Variants in SDF4 observed in about 807,000 individuals in gnomAD.
The protein encoded by SDF4 is 45 kDa calcium-binding protein.
A neutral mutation model predicts 34.2 loss-of-function variants in SDF4; 22 were observed. The ratio of observed to expected loss-of-function variants is 0.64; its 90% CI spans 0.46 to 0.92. The LOEUF (loss-of-function observed/expected upper bound fraction) is 0.92. Ranked by LOEUF, SDF4 falls within the 40% of genes least tolerant of loss-of-function variation. SDF4 has a pLI of 0.00. For missense variants in SDF4, 447 were observed against 499.9 expected (o/e 0.89, Z 1.01); for synonymous variants, 236 against 203.1 (o/e 1.16, Z -1.38).
intron 2 of SDF4, 99 bp downstream of exon 2, chr1:1,228,369 C>T (rs1638377107): frequency 3.7e-6 from 5 of 1,340,168 alleles, no homozygotes; most frequent in Non-Finnish European, 5.0e-6. Flanking sequence ...CAGGTCCCGA[C>T]ACAGGGCCCG....
intron 2 of SDF4, among the ~76,000 whole-genome samples, chr1:1,226,157 G>A (rs1286202640): frequency 6.6e-6 from 1 of 152,232 alleles, no homozygotes; most frequent in Non-Finnish European, 1.5e-5. Flanking sequence ...TGGAAAGGCG[G>A]CAGCTATTGC....
chr1:1,217,628 C>T lies in SDF4; in HGVS notation c.952G>A (p.Val318Ile), dbSNP rs772016761. 9.3e-6 allele frequency: 15 copies of T among 1,613,718 alleles called. No homozygotes were observed. The highest frequency in any genetic ancestry group is 5.0e-5 in the Admixed American group (3 of 60,000). The change falls in exon 7 of 7, where the codon GTC becomes ATC. Residue 318 changes from valine (V) to isoleucine (I), a missense_variant. Transcript: ENST00000360001. This position sits in a 1 kb window ranked among gnomAD's most constrained non-coding sequence, Gnocchi z 8.5. ...TGGTGGTTCTGGTTCTCGTCGGCGA[C>T]GGCGATCATCTGCTTGGCCTCGTTC... is the stretch of plus-strand genomic sequence containing the variant. ...ALNEAKQMIA[V>I]ADENQNHHLE...
rs1297542669 is a variant in SDF4 at position 1,223,937 on chromosome 1, C to T, written c.337G>A (p.Ala113Thr). The T allele has an allele frequency of 1.2e-6, 2 of 1,611,498 alleles. No individual in the cohort carries two copies. Among genetic ancestry groups the T allele is most frequent in the Non-Finnish European group, 1.7e-6 (2 of 1,179,888 alleles). ...ATGATCCAGCGCTGCATCTCCTTGG[C>T]ACTGATCTTCCGGTCAGTGTTCACA... ...VDVNTDRKISAKEMQRWIMEK... is the reference protein window; with the variant it reads ...VDVNTDRKISTKEMQRWIMEK... The change falls in exon 3 of 7, where the codon GCC becomes ACC. Residue 113 changes from alanine to threonine, a missense_variant. Ala to Thr is a moderately conservative substitution (Grantham distance 58, BLOSUM62 0). Coordinates refer to ENST00000360001, the MANE Select transcript of SDF4 (RefSeq NM_016176.6).
chr1:1,218,443 T>C lies in SDF4; in HGVS notation c.891+15A>G, dbSNP rs2100966013. The C allele has an allele frequency of 6.2e-7, 1 of 1,607,204 alleles. No homozygotes were observed. Among genetic ancestry groups the C allele is most frequent in the Non-Finnish European group, 8.5e-7 (1 of 1,179,168 alleles). On this transcript the variant is annotated intron_variant, in intron 6 of 6. Coordinates refer to ENST00000360001, the MANE Select transcript of SDF4 (RefSeq NM_016176.6). The surrounding 1 kb of genome is among the most constrained non-coding windows in gnomAD (Gnocchi z 7.9). ...CGCAGGGCCGGCTCCGGGACACGGC[T>C]GCGCCAGGGCTCACCTCCAGCTCCT...
rs942776521 is a variant in SDF4 at position 1,222,972 on chromosome 1, C to T, written c.556+272G>A. On this transcript the variant is annotated intron_variant, in intron 4 of 6. Transcript: ENST00000360001. ...CACTCGTACACACGACACGCACACACGTACAAGCACATGCACAGTGCACTC... is the reference window on the plus strand; with the variant it reads ...CACTCGTACACACGACACGCACACATGTACAAGCACATGCACAGTGCACTC... Among the ~76,000 whole-genome samples, 12 of 152,194 alleles carry T rather than the reference C, an allele frequency of 7.9e-5. No individual in the cohort carries two copies. The East Asian group carries it at 1.4e-3, about 17-fold the overall frequency.
chr1:1,228,429 G>GTGGA lies in SDF4; in HGVS notation c.305+38_305+39insTCCA, dbSNP rs747222388. ...GATAGGAACACACAGGCGAGCGCAC[G>GTGGA]CGGACAGCCCCCCAGTCTGGGCACA... On this transcript the variant is annotated intron_variant, in intron 2 of 6. Coordinates refer to ENST00000360001, the MANE Select transcript of SDF4 (RefSeq NM_016176.6). The GTGGA allele has an allele frequency of 2.0e-6, 3 of 1,493,030 alleles. No homozygotes were observed. The East Asian group carries it at 8.3e-5, about 41-fold the overall frequency. 92.5% of individuals were successfully genotyped at this position (1,493,030 alleles called of 1,614,324 possible). A position where few individuals can be genotyped will look rare whatever the true frequency, so the allele number is the denominator to read the frequency against.
At chr1:1,224,334 T>C (rs929259580) in intron 2 of SDF4, among the ~76,000 whole-genome samples, 2 of 152,178 alleles carry the variant, frequency 1.3e-5, no homozygotes, top group African/African-American at 2.4e-5. Context: ...GGCTGGAGTG[T>C]GGTGGCGCAA....
Position 1,223,355 on chromosome 1 carries a change from G to A in SDF4, c.445C>T (p.His149Tyr). 6 of 1,605,842 alleles carry A rather than the reference G, an allele frequency of 3.7e-6. No individual in the cohort carries two copies. The highest frequency in any genetic ancestry group is 5.1e-6 in the Non-Finnish European group (6 of 1,174,266). The change falls in exon 4 of 7, where the codon CAC becomes TAC. Residue 149 changes from histidine (H) to tyrosine (Y), a missense_variant and splice_region_variant. Transcript: ENST00000360001. ...FRAVDPDGDG[H>Y]VSWDEYKVKF... ...ACCTTATACTCGTCCCAAGACACGT[G>A]ACCTGGAAGAGCAGATCACACCTGT...
chr1:1,223,098 G>T, intron 4 of SDF4, 146 bp downstream of exon 4: 1 of 647,374 alleles, frequency 1.5e-6, no homozygotes, highest in South Asian at 1.8e-5. Context: ...CAGCACACTC[G>T]TACACACGGC....
In SDF4 at chr1:1,218,340, G is replaced by C; in HGVS notation, c.891+118C>G. 8.8e-7 allele frequency: 1 copy of C among 1,133,996 alleles called. No homozygotes were observed. Among genetic ancestry groups the C allele is most frequent in the African/African-American group, 1.6e-5 (1 of 64,452 alleles). The allele number at this position is 1,133,996 out of a possible 1,614,324, so 70.2% of individuals were successfully genotyped here. A position where few individuals can be genotyped will look rare whatever the true frequency, so the allele number is the denominator to read the frequency against. On this transcript the variant is annotated intron_variant, in intron 6 of 6. Transcript: ENST00000360001. This position sits in a 1 kb window ranked among gnomAD's most constrained non-coding sequence, Gnocchi z 7.9. ...AGCAAACGCCCCAGTGACCAGCCCA[G>C]ATGGAGTCTCAGGCCAGACACCAGC...
chr1:1,218,089 G>C lies in SDF4; in HGVS notation c.891+369C>G, dbSNP rs1388585281. ...CTTCAGAGGAAGGTGGTAAATTCCA[G>C]CCATGTGGCACAGGCCGCCCCGCCC... On this transcript the variant is annotated intron_variant, in intron 6 of 6. Transcript: ENST00000360001. The surrounding 1 kb of genome is among the most constrained non-coding windows in gnomAD (Gnocchi z 7.9). Among the ~76,000 whole-genome samples the C allele has an allele frequency of 6.6e-6, 1 of 152,242 alleles. No homozygotes were observed. The highest frequency in any genetic ancestry group is 2.4e-5 in the African/African-American group (1 of 41,468).
Position 1,220,190 on chromosome 1 carries a change from C to G in SDF4, c.557-1263G>C, listed in dbSNP as rs1029481438. 6 of 991,432 alleles carry G rather than the reference C, an allele frequency of 6.1e-6. No homozygotes were observed. The African/African-American group carries it at 8.7e-5, about 14-fold the overall frequency. 61.4% of individuals were successfully genotyped at this position (991,432 alleles called of 1,614,324 possible). A position where few individuals can be genotyped will look rare whatever the true frequency, so the allele number is the denominator to read the frequency against. ...GAAGCCTTGAGTCCCAGTCCCTCCC[C>G]ACGAGCCGGGCCTCTGCTGTTAGGG... On this transcript the variant is annotated intron_variant, in intron 4 of 6. Coordinates refer to ENST00000360001, the MANE Select transcript of SDF4 (RefSeq NM_016176.6).
chr1:1,221,117 G>C (rs1447630130), intron 4 of SDF4: 1 of 282,528 alleles, frequency 3.5e-6, no homozygotes, highest in Non-Finnish European at 7.0e-6. Flanking sequence ...CCAATTTGCA[G>C]GATTTAGAAC....
chr1:1,229,087 G>A (rs1165173032), intron 1 of SDF4, 141 bp from the exon 2 acceptor site: 3 of 417,842 alleles, frequency 7.2e-6, no homozygotes, highest in Non-Finnish European at 1.2e-5. Context: ...ACGTGGCACT[G>A]CCTTCTCCAG....
In SDF4 at chr1:1,223,921, C is replaced by T. The variant is rs1329894602; in HGVS notation, c.353G>A (p.Arg118His). 11 of 1,611,482 alleles carry T rather than the reference C, an allele frequency of 6.8e-6. No homozygotes were observed. Among genetic ancestry groups the T allele is most frequent in the East Asian group, 2.2e-5 (1 of 44,854 alleles). ...CTCGGCCGTCTTCTCCATGATCCAGCGCTGCATCTCCTTGGCACTGATCTT... is the reference window on the plus strand; with the variant it reads ...CTCGGCCGTCTTCTCCATGATCCAGTGCTGCATCTCCTTGGCACTGATCTT... ...DRKISAKEMQ[R>H]WIMEKTAEHF... Residue 118 changes from arginine (R) to histidine (H), a missense_variant, in exon 3 of 7, where the codon CGC becomes CAC. Coordinates refer to ENST00000360001, the MANE Select transcript of SDF4 (RefSeq NM_016176.6).
At chr1:1,228,188 T>G (rs968646248) in intron 2 of SDF4, among the ~76,000 whole-genome samples, 1 of 152,346 alleles carries the variant, frequency 6.6e-6, no homozygotes, top group African/African-American at 2.4e-5. Context: ...CAGTGCCGCG[T>G]GGGCTCCTCC....
At chr1:1,227,571 G>A (rs1023169514) in intron 2 of SDF4, among the ~76,000 whole-genome samples, 2 of 152,192 alleles carry the variant, frequency 1.3e-5, no homozygotes, top group Non-Finnish European at 2.9e-5. Flanking sequence ...CCTGCACCTC[G>A]GCTCCCTGCC....
chr1:1,222,289 G>T (rs1363012008), intron 4 of SDF4, among the ~76,000 whole-genome samples: 1 of 152,222 alleles, frequency 6.6e-6, no homozygotes, highest in African/African-American at 2.4e-5. Flanking sequence ...GGGCCAGCAG[G>T]GGCTTCTGCC....
chr1:1,228,321 G>C, intron 2 of SDF4, 147 bp downstream of exon 2: 1 of 899,988 alleles, frequency 1.1e-6, no homozygotes, highest in Non-Finnish European at 1.6e-6. Flanking sequence ...CAGCAGGCTG[G>C]AAGTGGCGCT....
Sources: allele counts gnomAD v4.1 joint callset (sites outside exome capture counted in the v4.1 genomes callset), GRCh38; gene constraint gnomAD v4.1.1; non-coding constraint Gnocchi (gnomAD v3.1); transcripts MANE v1.5; gene names NCBI Gene and HGNC (gene_info 2026-07-23, HGNC 2026-07-21).